MGAT4C: variants seen among roughly 807,000 people sequenced by gnomAD.
MGAT4C encodes alpha-1,3-mannosyl-glycoprotein 4-beta-N-acetylglucosaminyltransferase C.
In MGAT4C, 19 loss-of-function variants were observed where a neutral mutation model predicts 40.1. The observed-to-expected ratio is 0.47, with a 90% CI of 0.33 to 0.70. MGAT4C has a LOEUF of 0.70. Ranked by LOEUF, MGAT4C falls within the 30% of genes least tolerant of loss-of-function variation. MGAT4C has a pLI of 0.02. For synonymous variants in MGAT4C, 181 were observed against 187.1 expected, an observed-to-expected ratio of 0.97 and a Z score of 0.27; for missense variants, 491 against 563.2, an observed-to-expected ratio of 0.87 and a Z score of 1.30.
chr12:86,635,214 C>A (rs1963181578), intron 2 of MGAT4C, among the ~76,000 whole-genome samples: 1 of 152,080 alleles, frequency 6.6e-6, no homozygotes, highest in South Asian at 2.1e-4. Flanking sequence ...TGATGTGATT[C>A]TCCGGTTTTT....
chr12:86,137,907 A>G (rs999775232), intron 1 of MGAT4C, among the ~76,000 whole-genome samples: 6 of 152,134 alleles, frequency 3.9e-5, no homozygotes, highest in Non-Finnish European at 8.8e-5. Flanking sequence ...GCTCATTTGC[A>G]TGGAGTTGGG....
At chr12:86,810,724 C>A (rs1952455715) in intron 1 of MGAT4C, among the ~76,000 whole-genome samples, 1 of 150,670 alleles carries the variant, frequency 6.6e-6, no homozygotes, top group African/African-American at 2.4e-5. Flanking sequence ...TGTAGTTGAT[C>A]TTCTAATATT....
At chr12:86,710,673 A>T in intron 2 of MGAT4C, among the ~76,000 whole-genome samples, 1 of 152,194 alleles carries the variant, frequency 6.6e-6, no homozygotes, top group East Asian at 1.9e-4. Context: ...CGATCCAGCA[A>T]TCCCACTACT....
intron 2 of MGAT4C, among the ~76,000 whole-genome samples, chr12:86,037,078 G>C (rs1891309080): frequency 2.7e-5 from 4 of 150,146 alleles, no homozygotes. Context: ...TATTTGCGTA[G>C]AAGTGTTTAT....
chr12:86,823,771 T>C (rs1235598990), intron 1 of MGAT4C, among the ~76,000 whole-genome samples: 1 of 151,408 alleles, frequency 6.6e-6, no homozygotes, highest in Non-Finnish European at 1.5e-5. Context: ...GAAAACATTT[T>C]ATCCATTTTT....
intron 2 of MGAT4C, among the ~76,000 whole-genome samples, chr12:86,497,356 G>C (rs969167170): frequency 2.0e-5 from 3 of 151,884 alleles, no homozygotes; most frequent in Non-Finnish European, 4.4e-5. Flanking sequence ...ACAAGGAGAA[G>C]AAATTGAATA....
intron 2 of MGAT4C, among the ~76,000 whole-genome samples, chr12:86,718,567 T>C (rs1247388813): frequency 6.6e-6 from 1 of 152,132 alleles, no homozygotes; most frequent in Non-Finnish European, 1.5e-5. Flanking sequence ...CTTTACTTGA[T>C]CTCTCTACAT....
intron 3 of MGAT4C, among the ~76,000 whole-genome samples, chr12:86,429,297 T>C (rs1956988507): frequency 6.6e-6 from 1 of 152,202 alleles, no homozygotes; most frequent in South Asian, 2.1e-4. Flanking sequence ...ATGAATTTTG[T>C]TTCAAACAAT....
At chr12:86,562,648 C>A (rs1959922275) in intron 2 of MGAT4C, among the ~76,000 whole-genome samples, 1 of 152,022 alleles carries the variant, frequency 6.6e-6, no homozygotes, top group African/African-American at 2.4e-5. Context: ...TGCTTCTAGA[C>A]CTATAACTAA....
chr12:86,538,362 G>A (rs143263665), intron 2 of MGAT4C, among the ~76,000 whole-genome samples: 60 of 152,232 alleles, frequency 3.9e-4, no homozygotes, highest in African/African-American at 1.2e-3. Context: ...CTTCATGAGA[G>A]TCTGTGAGGA....
chr12:86,804,895 G>A (rs1292026723), intron 1 of MGAT4C, among the ~76,000 whole-genome samples: 2 of 151,900 alleles, frequency 1.3e-5, no homozygotes, highest in South Asian at 2.1e-4. Flanking sequence ...AGGAGGTGGC[G>A]TCCTAAGTTT....
At chr12:86,116,135 C>T (rs1448505480) in intron 1 of MGAT4C, among the ~76,000 whole-genome samples, 1 of 151,454 alleles carries the variant, frequency 6.6e-6, no homozygotes, top group African/African-American at 2.4e-5. Flanking sequence ...GGAAAAATGA[C>T]AGATAATGCA....
intron 2 of MGAT4C, among the ~76,000 whole-genome samples, chr12:86,723,487 G>A (rs148082198): frequency 6.6e-6 from 1 of 152,230 alleles, no homozygotes; most frequent in East Asian, 1.9e-4. Context: ...AGCCTCGGGG[G>A]CTCTTTGTCT....
At chr12:86,454,371 G>A (rs1318328308) in intron 2 of MGAT4C, among the ~76,000 whole-genome samples, 1 of 151,980 alleles carries the variant, frequency 6.6e-6, no homozygotes, top group African/African-American at 2.4e-5. Context: ...GGAACTACAG[G>A]TGCAAACTGC....
At chr12:86,018,572 T>A (rs1329048934) in intron 2 of MGAT4C, among the ~76,000 whole-genome samples, 1 of 152,182 alleles carries the variant, frequency 6.6e-6, no homozygotes. Context: ...CATAGCAAAA[T>A]CTTCAGAAAG....
intron 2 of MGAT4C, among the ~76,000 whole-genome samples, chr12:86,515,899 C>G (rs547732691): frequency 6.6e-6 from 1 of 151,950 alleles, no homozygotes; most frequent in Non-Finnish European, 1.5e-5. Context: ...CCCACCACCA[C>G]GCCCAGCTAA....
intron 2 of MGAT4C, among the ~76,000 whole-genome samples, chr12:86,686,286 G>C (rs1235966534): frequency 6.6e-6 from 1 of 152,040 alleles, no homozygotes; most frequent in Non-Finnish European, 1.5e-5. Context: ...TCTGCAAACA[G>C]AGACAGTTTA....
intron 2 of MGAT4C, among the ~76,000 whole-genome samples, chr12:86,544,859 T>A (rs1959185018): frequency 6.6e-6 from 1 of 152,062 alleles, no homozygotes; most frequent in African/African-American, 2.4e-5. Flanking sequence ...TTATACTCAA[T>A]AGATACATTA....
At chr12:86,811,336 A>ATTTTTTTTTTT (rs553885593) in intron 1 of MGAT4C, among the ~76,000 whole-genome samples, 6 of 106,946 alleles carry the variant, frequency 5.6e-5, no homozygotes, top group Non-Finnish European at 7.8e-5. Context: ...CACTCATAGT[A>ATTTTTTTTTTT]TTTTTTTTTT....
Sources: gnomAD v4.1 joint callset for allele counts (sites outside exome capture counted in the v4.1 genomes callset) on GRCh38, gnomAD v4.1.1 for gene constraint, MANE v1.5 for transcripts, NCBI Gene and HGNC (gene_info 2026-07-23, HGNC 2026-07-21) for gene names.